TRIQK: variants seen among roughly 807,000 people sequenced by gnomAD.
The protein encoded by TRIQK is triple QxxK/R motif containing.
A neutral mutation model predicts 10.8 loss-of-function variants in TRIQK; 10 were observed. The observed-to-expected ratio is 0.92, with a 90% confidence interval of 0.57 to 1.57. The LOEUF is 1.57. Among genes scored for constraint, TRIQK ranks in the 40% most tolerant of loss-of-function variants. TRIQK has a pLI of 0.00. For missense variants in TRIQK, 107 were observed against 97.7 expected, an observed-to-expected ratio of 1.09 and a Z score of -0.40; for synonymous variants, 33 against 33.7, an observed-to-expected ratio of 0.98 and a Z score of 0.07.
At chr8:92,896,759 C>T (rs1380699469) in intron 3 of TRIQK, among the ~76,000 whole-genome samples, 5 of 151,612 alleles carry the variant, frequency 3.3e-5, no homozygotes, top group African/African-American at 4.8e-5. Flanking sequence ...GCCTAATTCT[C>T]CCTTTTGGAA....
chr8:92,992,284 C>G (rs1238432456), intron 1 of TRIQK, among the ~76,000 whole-genome samples: 1 of 152,098 alleles, frequency 6.6e-6, no homozygotes, highest in Non-Finnish European at 1.5e-5. Flanking sequence ...GGAGGAAGAG[C>G]AAAGATGGAC....
rs150955938 is a variant in TRIQK at position 92,884,471 on chromosome 8, C to T, written c.*2151G>A. On this transcript the variant is annotated 3_prime_UTR_variant, in exon 5 of 5. Transcript: ENST00000521988. ...AGCTATCATAAATCAATCAGTCATA[C>T]GAATGGACTAGCTGTAGACTCAGGA... is the stretch of plus-strand genomic sequence containing the variant. The T allele has an allele frequency of 2.2e-5, 5 of 227,408 alleles. No individual in the cohort carries two copies. Among genetic ancestry groups the T allele is most frequent in the Middle Eastern group, 1.8e-3 (1 of 554 alleles). The allele number at this position is 227,408 out of a possible 1,614,324, so 14.1% of individuals were successfully genotyped here.
At chr8:92,938,807 T>C (rs1811127382) in intron 2 of TRIQK, among the ~76,000 whole-genome samples, 2 of 152,218 alleles carry the variant, frequency 1.3e-5, no homozygotes, top group Admixed American at 6.5e-5. Flanking sequence ...AAGTGAAAGT[T>C]GTGACTCAAA....
chr8:92,905,468 C>A (rs371438476), intron 3 of TRIQK, among the ~76,000 whole-genome samples: 1 of 152,070 alleles, frequency 6.6e-6, no homozygotes, highest in African/African-American at 2.4e-5. Context: ...GGTAATCCCT[C>A]GGAAAGATGG....
chr8:92,902,630 G>A (rs1026563107), intron 3 of TRIQK, among the ~76,000 whole-genome samples: 2 of 152,044 alleles, frequency 1.3e-5, no homozygotes, highest in African/African-American at 2.4e-5. Context: ...GGGGATGATC[G>A]CTAGAGGATT....
At chr8:92,957,720 G>GT (rs1388326696) in intron 1 of TRIQK, among the ~76,000 whole-genome samples, 1 of 151,890 alleles carries the variant, frequency 6.6e-6, no homozygotes, top group Non-Finnish European at 1.5e-5. Flanking sequence ...TCTTAAAGCA[G>GT]TTAGTTCTAT....
Position 92,885,192 on chromosome 8 carries a change from A to G in TRIQK, c.*1430T>C, listed in dbSNP as rs1816411184. On this transcript the variant is annotated 3_prime_UTR_variant, in exon 5 of 5. Coordinates refer to ENST00000521988, the MANE Select transcript of TRIQK (RefSeq NM_001171797.2). ...TCACACCAATGAAATAAATTATGCT[A>G]CTTGAAAAAAATTCTACAGAACATA... 5.7e-6 allele frequency: 2 copies of G among 352,846 alleles called. No homozygotes were observed. Among genetic ancestry groups the G allele is most frequent in the South Asian group, 4.3e-5 (2 of 46,510 alleles). 21.9% of individuals were successfully genotyped at this position (352,846 alleles called of 1,614,324 possible).
rs543277886 is a variant in TRIQK, at chr8:92,948,377, C to G, written c.-22+6029G>C. ...AGTAATGGTTAACAACATTTAATCT[C>G]TAAGTATTTAAAACAAATGATCATT... On this transcript the variant is annotated intron_variant, in intron 2 of 4. Transcript: ENST00000521988. Among the ~76,000 whole-genome samples the G allele has an allele frequency of 2.6e-5, 4 of 152,212 alleles. No homozygotes were observed. In the East Asian group the frequency reaches 7.7e-4, roughly 29 times the overall value.
chr8:92,899,334 T>C (rs1341928301), intron 3 of TRIQK, among the ~76,000 whole-genome samples: 2 of 152,064 alleles, frequency 1.3e-5, no homozygotes, highest in Non-Finnish European at 2.9e-5. Flanking sequence ...TACTAGATCT[T>C]ATTCATTCTT....
chr8:92,973,324 T>C (rs949558863), intron 1 of TRIQK: 7 of 152,192 alleles, frequency 4.6e-5, no homozygotes, highest in Non-Finnish European at 2.9e-5. Flanking sequence ...GAACTGCAAT[T>C]GCACAAAATG....
chr8:92,949,007 A>AAC (rs1811693185), intron 2 of TRIQK, among the ~76,000 whole-genome samples: 1 of 152,202 alleles, frequency 6.6e-6, no homozygotes, highest in African/African-American at 2.4e-5. Context: ...CCAGGCTCAA[A>AAC]TGAGGCAAAC....
intron 2 of TRIQK, among the ~76,000 whole-genome samples, chr8:92,931,953 C>T (rs1476263828): frequency 6.6e-6 from 1 of 152,092 alleles, no homozygotes. Context: ...TTAGGCAATA[C>T]CTGAAACAGA....
At chr8:92,906,677 T>A (rs936868343) in intron 3 of TRIQK, among the ~76,000 whole-genome samples, 24 of 123,930 alleles carry the variant, frequency 1.9e-4, no homozygotes, top group African/African-American at 6.2e-4. Context: ...CAAATCACAA[T>A]AGAATAAAGG....
intron 2 of TRIQK, among the ~76,000 whole-genome samples, chr8:92,918,585 G>C (rs1356841481): frequency 6.6e-6 from 1 of 151,840 alleles, no homozygotes; most frequent in Non-Finnish European, 1.5e-5. Context: ...TTGCTATTGA[G>C]TTGTTTGAGC....
At chr8:93,000,002 A>G (rs750001134) in intron 1 of TRIQK, among the ~76,000 whole-genome samples, 22 of 152,108 alleles carry the variant, frequency 1.4e-4, no homozygotes, top group Non-Finnish European at 2.9e-4. Context: ...TGAGCTCTAC[A>G]TATACTTTCA....
chr8:93,002,427 C>A (rs1226786887), intron 1 of TRIQK, among the ~76,000 whole-genome samples: 1 of 151,914 alleles, frequency 6.6e-6, no homozygotes, highest in Non-Finnish European at 1.5e-5. Context: ...AACAACATTG[C>A]AACAGATATC....
At chr8:92,922,598 A>T (rs1490433720) in intron 2 of TRIQK, 20 of 151,758 alleles carry the variant, frequency 1.3e-4, no homozygotes. Context: ...TTATTCATTC[A>T]CTACCTACAG....
intron 1 of TRIQK, among the ~76,000 whole-genome samples, chr8:93,015,721 A>T (rs569277654): frequency 6.6e-6 from 1 of 152,204 alleles, no homozygotes; most frequent in Non-Finnish European, 1.5e-5. Flanking sequence ...AGCATAGCAT[A>T]ATAGGGGCAA....
At chr8:92,913,490 G>A (rs1809674172) in intron 3 of TRIQK, among the ~76,000 whole-genome samples, 1 of 152,142 alleles carries the variant, frequency 6.6e-6, no homozygotes, top group African/African-American at 2.4e-5. Context: ...AGAGGATGTG[G>A]AGAAATAGGA....
Sources: gnomAD v4.1 joint callset for allele counts (sites outside exome capture counted in the v4.1 genomes callset) on GRCh38, gnomAD v4.1.1 for gene constraint, MANE v1.5 for transcripts, NCBI Gene and HGNC (gene_info 2026-07-23, HGNC 2026-07-21) for gene names.